Variants in SGPP1 observed in about 807,000 individuals in gnomAD.
SGPP1 encodes the protein sphingosine-1-phosphate phosphatase 1.
In SGPP1, 21 loss-of-function variants were observed where a neutral mutation model predicts 33.0. The observed-to-expected ratio is 0.64, with a 90% CI of 0.45 to 0.92. The LOEUF (loss-of-function observed/expected upper bound fraction) is 0.92, where lower values mean the gene tolerates loss of function less well. SGPP1 is among the 40% of genes least tolerant of loss of function. The probability of loss-of-function intolerance (pLI) is 0.00; values close to 1 mark genes in which losing one functional copy is unlikely to be tolerated. For missense variants in SGPP1, 543 were observed against 589.4 expected (o/e 0.92, Z 0.81); for synonymous variants, 239 against 241.2 (o/e 0.99, Z 0.08).
intron 1 of SGPP1, among the ~76,000 whole-genome samples, chr14:63,715,488 C>CA (rs1233300565): frequency 6.6e-6 from 1 of 151,828 alleles, no homozygotes; most frequent in African/African-American, 2.4e-5. Context: ...ATAAAACCCC[C>CA]TTTTTTTTGA....
In SGPP1 at chr14:63,685,721, T is replaced by C. The variant is rs921053287; in HGVS notation, c.*384A>G. On this transcript the variant is annotated 3_prime_UTR_variant, in exon 3 of 3. Coordinates refer to ENST00000247225, the MANE Select transcript of SGPP1 (RefSeq NM_030791.4). ...AGGCACAACTGTTTGCATATTATTA[T>C]TGATTTTATAATACACTCCCATAGT... 1 of 151,014 alleles carries C rather than the reference T, an allele frequency of 6.6e-6. No individual in the cohort carries two copies. Among genetic ancestry groups the C allele is most frequent in the African/African-American group, 2.4e-5 (1 of 41,274 alleles). 9.4% of individuals were successfully genotyped at this position (151,014 alleles called of 1,614,324 possible). A position where few individuals can be genotyped will look rare whatever the true frequency, so the allele number is the denominator to read the frequency against.
chr14:63,688,040 G>A (rs369024847), intron 2 of SGPP1, among the ~76,000 whole-genome samples: 14 of 152,206 alleles, frequency 9.2e-5, no homozygotes, highest in South Asian at 8.3e-4. Context: ...CAGGAGAATC[G>A]CTTGAACCCG....
intron 2 of SGPP1, among the ~76,000 whole-genome samples, chr14:63,693,185 G>A (rs558440123): frequency 1.5e-4 from 23 of 152,286 alleles, no homozygotes; most frequent in African/African-American, 4.3e-4. Flanking sequence ...CACCCGCCTC[G>A]GCCTCCCGAA....
chr14:63,716,321 C>T (rs1185785070), intron 1 of SGPP1, among the ~76,000 whole-genome samples: 1 of 152,002 alleles, frequency 6.6e-6, no homozygotes, highest in East Asian at 1.9e-4. Context: ...TGGTGAAACC[C>T]CATCTCTACT....
chr14:63,696,001 G>GT (rs1264702149), intron 2 of SGPP1, among the ~76,000 whole-genome samples: 3 of 151,946 alleles, frequency 2.0e-5, no homozygotes, highest in Non-Finnish European at 4.4e-5. Flanking sequence ...AAAAAGAACA[G>GT]TATCAGCCAG....
intron 1 of SGPP1, among the ~76,000 whole-genome samples, chr14:63,720,436 A>G (rs1885747118): frequency 6.6e-6 from 1 of 151,962 alleles, no homozygotes; most frequent in African/African-American, 2.4e-5. Flanking sequence ...GATCCAGAAC[A>G]GTACAGTATA....
intron 1 of SGPP1, among the ~76,000 whole-genome samples, chr14:63,707,307 T>C (rs1002244230): frequency 6.6e-6 from 1 of 152,050 alleles, no homozygotes; most frequent in African/African-American, 2.4e-5. Flanking sequence ...TACTAGTCGA[T>C]ATAATCTTAC....
chr14:63,689,319 GT>G (rs1449645660), intron 2 of SGPP1, among the ~76,000 whole-genome samples: 1 of 151,876 alleles, frequency 6.6e-6, no homozygotes, highest in Non-Finnish European at 1.5e-5. Flanking sequence ...TTGTTTGTTT[GT>G]TTTGTTTTGT....
At chr14:63,712,029 CAA>C (rs61030675) in intron 1 of SGPP1, among the ~76,000 whole-genome samples, 1,620 of 70,682 alleles carry the variant, frequency 0.023, 23 homozygotes, top group African/African-American at 0.074. Context: ...GACTCCATCT[CAA>C]AAAAAAAAAA....
At chr14:63,695,790 AGTCC>A (rs1170012132) in intron 2 of SGPP1, among the ~76,000 whole-genome samples, 14 of 152,180 alleles carry the variant, frequency 9.2e-5, no homozygotes, top group Non-Finnish European at 1.6e-4. Context: ...ACATGTTTGT[AGTCC>A]TAGACACCCG....
intron 1 of SGPP1, among the ~76,000 whole-genome samples, chr14:63,716,968 C>T (rs1885642510): frequency 6.6e-6 from 1 of 152,162 alleles, no homozygotes; most frequent in African/African-American, 2.4e-5. Context: ...GCTGGGATTA[C>T]AGGCATGAAC....
chr14:63,694,368 T>C (rs1007291264), intron 2 of SGPP1, among the ~76,000 whole-genome samples: 1 of 152,186 alleles, frequency 6.6e-6, no homozygotes, highest in African/African-American at 2.4e-5. Context: ...TTTAAAATAA[T>C]AACTTCTCAT....
chr14:63,688,284 C>A (rs1885023321), intron 2 of SGPP1, among the ~76,000 whole-genome samples: 1 of 139,486 alleles, frequency 7.2e-6, no homozygotes, highest in Admixed American at 7.4e-5. Flanking sequence ...CCATTGCACT[C>A]CAGCCTGGGT....
At chr14:63,712,079 A>G (rs1025868697) in intron 1 of SGPP1, among the ~76,000 whole-genome samples, 1 of 152,066 alleles carries the variant, frequency 6.6e-6, no homozygotes, top group Admixed American at 6.6e-5. Flanking sequence ...AAACTGATAC[A>G]TAAAATTAAT....
chr14:63,687,083 T>C (rs1022477186), intron 2 of SGPP1, among the ~76,000 whole-genome samples: 2 of 152,194 alleles, frequency 1.3e-5, no homozygotes, highest in African/African-American at 2.4e-5. Flanking sequence ...CATTCATTCA[T>C]TGAACAAATA....
At chr14:63,720,663 G>A (rs574338002) in intron 1 of SGPP1, among the ~76,000 whole-genome samples, 9 of 152,264 alleles carry the variant, frequency 5.9e-5, no homozygotes, top group African/African-American at 2.2e-4. Context: ...AGGAGGCTGA[G>A]GCAGGAGAAT....
chr14:63,719,818 TA>T (rs112680873), intron 1 of SGPP1, among the ~76,000 whole-genome samples: 88 of 143,414 alleles, frequency 6.1e-4, no homozygotes, highest in Admixed American at 9.8e-4. Context: ...TTGTTGGACT[TA>T]AAAAAAAAAA....
At chr14:63,716,144 AAACACACAAAGATGACAAAGATGATGG>A (rs1885622039) in intron 1 of SGPP1, among the ~76,000 whole-genome samples, 1 of 152,220 alleles carries the variant, frequency 6.6e-6, no homozygotes, top group Non-Finnish European at 1.5e-5. Flanking sequence ...GAAATAATAG[AAACACACAAAGATGACAAAGATGATGG>A]AATTAGAAGA....
chr14:63,712,218 T>C (rs1489956213), intron 1 of SGPP1, among the ~76,000 whole-genome samples: 1 of 152,240 alleles, frequency 6.6e-6, no homozygotes, highest in African/African-American at 2.4e-5. Flanking sequence ...CTAAGTCTTC[T>C]ATAAATTTCA....
Sources: allele counts gnomAD v4.1 joint callset (sites outside exome capture counted in the v4.1 genomes callset), GRCh38; gene constraint gnomAD v4.1.1; transcripts MANE v1.5; gene names NCBI Gene and HGNC (gene_info 2026-07-23, HGNC 2026-07-21).